Variants in PDE4B observed in about 807,000 individuals in gnomAD.
PDE4B encodes phosphodiesterase 4B.
Under a neutral mutation model 82.2 loss-of-function variants are expected in PDE4B, and 20 were observed. That is an observed-to-expected ratio of 0.24 (90% confidence interval 0.17 to 0.35). The LOEUF (loss-of-function observed/expected upper bound fraction) is 0.35, where lower values mean the gene tolerates loss of function less well. Ranked by LOEUF, PDE4B falls within the 10% of genes least tolerant of loss-of-function variation. The probability of loss-of-function intolerance (pLI) is 1.00; values close to 1 mark genes in which losing one functional copy is unlikely to be tolerated. For synonymous variants in PDE4B, 320 were observed against 318.9 expected, an observed-to-expected ratio of 1.00 and a Z score of -0.04; for missense variants, 655 against 907.2, an observed-to-expected ratio of 0.72 and a Z score of 3.57.
chr1:65,899,778 G>C (rs1371959853), intron 1 of PDE4B, among the ~76,000 whole-genome samples: 1 of 151,702 alleles, frequency 6.6e-6, no homozygotes, highest in African/African-American at 2.4e-5. Context: ...AGTAACTCAG[G>C]AATGGAAAAC....
chr1:66,335,386 T>C (rs1462596259), intron 8 of PDE4B, among the ~76,000 whole-genome samples: 1 of 151,660 alleles, frequency 6.6e-6, no homozygotes, highest in Non-Finnish European at 1.5e-5. Flanking sequence ...TACATGCAAC[T>C]GGTAGAGAGT....
In PDE4B at chr1:65,808,372, G is replaced by A. The variant is rs111904117; in HGVS notation, c.-71+15124G>A. On this transcript the variant is annotated intron_variant, in intron 1 of 16. Coordinates refer to ENST00000341517, the MANE Select transcript of PDE4B (RefSeq NM_002600.4). Reference sequence around the variant, plus strand: ...AATTGTAGAGACAGGGTCTTGCTACGTTGCCCAGGCTGGTCTTGAACTTCT... The same window carrying A: ...AATTGTAGAGACAGGGTCTTGCTACATTGCCCAGGCTGGTCTTGAACTTCT... Among the ~76,000 whole-genome samples the A allele has an allele frequency of 9.4e-3, 1,431 of 152,054 alleles. 20 individuals carry two copies. The highest frequency in any genetic ancestry group is 0.032 in the African/African-American group (1,329 of 41,484).
intron 3 of PDE4B, among the ~76,000 whole-genome samples, chr1:65,989,445 A>G (rs187851415): frequency 6.6e-6 from 1 of 152,262 alleles, no homozygotes; most frequent in Non-Finnish European, 1.5e-5. Context: ...GAGCCTAGAC[A>G]GAGCCACTGC....
At chr1:66,205,226 G>C (rs1049870577) in intron 3 of PDE4B, among the ~76,000 whole-genome samples, 1 of 152,208 alleles carries the variant, frequency 6.6e-6, no homozygotes, top group Non-Finnish European at 1.5e-5. Flanking sequence ...GGGCAGAACA[G>C]TAAAATGTCA....
intron 1 of PDE4B, 39 bp from the exon 2 acceptor site, chr1:65,913,206 A>G (rs929819227): frequency 2.4e-6 from 2 of 847,840 alleles, no homozygotes; most frequent in African/African-American, 3.4e-5. Context: ...CTTTAAGGAT[A>G]CAGAGCTGTT....
intron 7 of PDE4B, chr1:66,331,775 TC>T (rs1660127525): frequency 4.3e-5 from 42 of 985,290 alleles, no homozygotes; most frequent in Non-Finnish European, 4.9e-5. Context: ...GCTGCAGGAC[TC>T]CCAGGCCAAT....
At chr1:66,149,392 T>C (rs1434115652) in intron 3 of PDE4B, among the ~76,000 whole-genome samples, 1 of 152,232 alleles carries the variant, frequency 6.6e-6, no homozygotes, top group African/African-American at 2.4e-5. Context: ...AAATATTTTC[T>C]CCTATTCTAT....
rs920861530 is a variant in PDE4B at position 65,808,169 on chromosome 1, C to CTT, written c.-71+14940_-71+14941dup. On this transcript the variant is annotated intron_variant, in intron 1 of 16. Transcript: ENST00000341517. ...GGTCCATCAAGTAGGTAGACAAACA[C>CTT]TTTTTTTTTTTTTTTTTTTTGAAGC... 1.7e-4 allele frequency among the ~76,000 whole-genome samples: 22 copies of CTT among 128,980 alleles called. 1 individual carries two copies. The highest frequency in any genetic ancestry group is 1.3e-3 in the East Asian group (6 of 4,470). 84.6% of individuals were successfully genotyped at this position (128,980 alleles called of 152,430 possible).
At chr1:65,865,773 G>A (rs1241438765) in intron 1 of PDE4B, among the ~76,000 whole-genome samples, 4 of 152,132 alleles carry the variant, frequency 2.6e-5, no homozygotes, top group Non-Finnish European at 4.4e-5. Context: ...CAGAAATCAC[G>A]CAACTTCTTT....
chr1:66,166,727 C>G (rs1646739532), intron 3 of PDE4B, among the ~76,000 whole-genome samples: 1 of 143,236 alleles, frequency 7.0e-6, no homozygotes, highest in Admixed American at 7.1e-5. Context: ...GAGCAAGACT[C>G]TGTCTCAAAA....
At chr1:66,328,633 T>A (rs1659898579) in intron 7 of PDE4B, among the ~76,000 whole-genome samples, 1 of 152,342 alleles carries the variant, frequency 6.6e-6, no homozygotes, top group African/African-American at 2.4e-5. Context: ...TCCTGTCACC[T>A]GCCTGTCTCC....
intron 3 of PDE4B, among the ~76,000 whole-genome samples, chr1:66,213,102 T>C (rs1018491573): frequency 9.2e-5 from 14 of 152,226 alleles, no homozygotes; most frequent in African/African-American, 3.4e-4. Context: ...AGAGACTCTA[T>C]GATTAATTAG....
At chr1:66,014,146 G>GTGT (rs1302058055) in intron 3 of PDE4B, among the ~76,000 whole-genome samples, 1 of 151,994 alleles carries the variant, frequency 6.6e-6, no homozygotes, top group Non-Finnish European at 1.5e-5. Context: ...TTGGCTTGCT[G>GTGT]TGTTGTTGTT....
At chr1:66,087,931 G>C (rs540292843) in intron 3 of PDE4B, among the ~76,000 whole-genome samples, 4 of 151,378 alleles carry the variant, frequency 2.6e-5, no homozygotes, top group African/African-American at 7.3e-5. Flanking sequence ...TGACGAGTTA[G>C]TGGGTGCAGC....
chr1:66,030,553 G>T (rs1356255624), intron 3 of PDE4B, among the ~76,000 whole-genome samples: 3 of 152,076 alleles, frequency 2.0e-5, no homozygotes, highest in African/African-American at 7.2e-5. Flanking sequence ...TTATTGTTCT[G>T]TTCAGGTTTT....
intron 4 of PDE4B, among the ~76,000 whole-genome samples, chr1:66,254,601 C>G (rs571455795): frequency 1.3e-3 from 196 of 152,248 alleles, no homozygotes; most frequent in Middle Eastern, 6.8e-3. Flanking sequence ...AAATCAGTAC[C>G]TTTAAGTTCA....
At chr1:65,939,017 G>A (rs1203579685) in intron 3 of PDE4B, among the ~76,000 whole-genome samples, 1 of 152,226 alleles carries the variant, frequency 6.6e-6, no homozygotes, top group East Asian at 1.9e-4. Flanking sequence ...AATGACAATG[G>A]CTAAATCAGG....
intron 3 of PDE4B, among the ~76,000 whole-genome samples, chr1:65,999,843 T>C (rs1421151794): frequency 6.6e-6 from 1 of 152,198 alleles, no homozygotes; most frequent in Non-Finnish European, 1.5e-5. Context: ...CTTTATTCTA[T>C]GAGCATTTTT....
chr1:65,896,405 T>G (rs1480141609), intron 1 of PDE4B, among the ~76,000 whole-genome samples: 1 of 152,106 alleles, frequency 6.6e-6, no homozygotes, highest in Non-Finnish European at 1.5e-5. Flanking sequence ...ACTGTGTCCC[T>G]CCCATGACAT....
Sources: gnomAD v4.1 joint callset for allele counts (sites outside exome capture counted in the v4.1 genomes callset) on GRCh38, gnomAD v4.1.1 for gene constraint, MANE v1.5 for transcripts, NCBI Gene and HGNC (gene_info 2026-07-23, HGNC 2026-07-21) for gene names.